The following ZBTB2 variants were observed in gnomAD, a reference collection of about 807,000 sequenced individuals.
The protein encoded by ZBTB2 is zinc finger and BTB domain-containing protein 2.
ZBTB2 carries 2 observed loss-of-function variants against 39.5 expected under a neutral mutation model. The observed-to-expected ratio is 0.05, with a 90% confidence interval of 0.02 to 0.16. ZBTB2 has a LOEUF of 0.16. ZBTB2 is among the 10% of genes least tolerant of loss of function. The pLI is 1.00. For missense variants in ZBTB2, 391 were observed against 653.0 expected (o/e 0.60, Z 4.37); for synonymous variants, 251 against 256.6 (o/e 0.98, Z 0.21).
At chr6:151,368,986 C>G (rs1002198444) in intron 2 of ZBTB2, among the ~76,000 whole-genome samples, 7 of 151,852 alleles carry the variant, frequency 4.6e-5, no homozygotes, top group African/African-American at 1.7e-4. Flanking sequence ...TGGTCTTGAA[C>G]TCCTGACCTC....
At chr6:151,370,534 G>C (rs1778765776) in intron 2 of ZBTB2, among the ~76,000 whole-genome samples, 1 of 152,142 alleles carries the variant, frequency 6.6e-6, no homozygotes, top group Non-Finnish European at 1.5e-5. Context: ...TTGTCAGAAG[G>C]TTGTACTTAG....
At chr6:151,390,373 G>A (rs1779260718) in intron 1 of ZBTB2, among the ~76,000 whole-genome samples, 1 of 149,492 alleles carries the variant, frequency 6.7e-6, no homozygotes, top group Non-Finnish European at 1.5e-5. Context: ...TCCCCGAGGG[G>A]CTGAGGGGGA....
intron 2 of ZBTB2, among the ~76,000 whole-genome samples, chr6:151,369,287 C>T (rs77023806): frequency 0.014 from 2,099 of 152,216 alleles, 41 homozygotes; most frequent in African/African-American, 0.048. Context: ...GCGGCGAGTC[C>T]CTGGGGTTTA....
At chr6:151,374,663 A>C (rs925206007) in intron 1 of ZBTB2, among the ~76,000 whole-genome samples, 19 of 152,156 alleles carry the variant, frequency 1.2e-4, no homozygotes, top group African/African-American at 4.1e-4. Flanking sequence ...CTCGATATTC[A>C]ACACAGCACT....
At chr6:151,379,656 A>G (rs1038231467) in intron 1 of ZBTB2, among the ~76,000 whole-genome samples, 8 of 151,012 alleles carry the variant, frequency 5.3e-5, no homozygotes, top group East Asian at 1.9e-4. Context: ...AAAAAAAAAA[A>G]AAAAGAAAAA....
At position 151,366,856 on chromosome 6, in the gene ZBTB2, G is replaced by C. The variant is rs184232136; in HGVS notation, c.210C>G (p.Pro70=). 1 of 1,612,836 alleles carries C rather than the reference G, an allele frequency of 6.2e-7. No homozygotes were observed. The highest frequency in any genetic ancestry group is 1.7e-5 in the Admixed American group (1 of 59,944). The stretch of plus-strand genomic sequence containing the variant: ...AGTGTAAGAGATAGCTGAAGATGTC[G>C]GGCTGTATGTCAGTTGGTTTCAAGC... ...CVRLKPTDIQ[P]DIFSYLLHLM... Residue 70 remains proline (P), a synonymous_variant, in exon 3 of 3, where the codon CCC becomes CCG. Transcript: ENST00000325144. This position sits in a 1 kb window ranked among gnomAD's most constrained non-coding sequence, Gnocchi z 7.1.
At position 151,391,427 on chromosome 6, in the gene ZBTB2, C is replaced by G. The variant is rs973821368; in HGVS notation, c.-20G>C. On this transcript the variant is annotated 5_prime_UTR_variant, in exon 1 of 3. Transcript: ENST00000325144. Reference sequence around the variant, plus strand: ...GAGGCGGTGCGCGCTTACCTGTCGCCGGTGCTGCTGCGGCGGGGGGTGTGG... The same window carrying G: ...GAGGCGGTGCGCGCTTACCTGTCGCGGGTGCTGCTGCGGCGGGGGGTGTGG... 6.6e-6 allele frequency: 1 copy of G among 151,952 alleles called. No individual in the cohort carries two copies. The highest frequency in any genetic ancestry group is 2.4e-5 in the African/African-American group (1 of 41,346). The allele number at this position is 151,952 out of a possible 1,614,324, so 9.4% of individuals were successfully genotyped here. A position where few individuals can be genotyped will look rare whatever the true frequency, so the allele number is the denominator to read the frequency against.
At chr6:151,381,163 T>C (rs1779026820) in intron 1 of ZBTB2, among the ~76,000 whole-genome samples, 1 of 152,202 alleles carries the variant, frequency 6.6e-6, no homozygotes, top group Non-Finnish European at 1.5e-5. Context: ...GCCTCCTTCA[T>C]GCATCCACCA....
chr6:151,371,963 A>G (rs1778796704), intron 2 of ZBTB2, among the ~76,000 whole-genome samples: 1 of 152,224 alleles, frequency 6.6e-6, no homozygotes, highest in African/African-American at 2.4e-5. Context: ...ACATCCTCAA[A>G]GACACAAAAG....
chr6:151,387,608 G>GC lies in ZBTB2; in HGVS notation c.-13+3811dup, dbSNP rs76639590. On this transcript the variant is annotated intron_variant, in intron 1 of 2. Transcript: ENST00000325144. ...CTTACCCTGCTTGGTGCAGAACTTA[G>GC]CGAGTGCCCCCTGTTTAAGAGAACA... 1.3e-3 allele frequency among the ~76,000 whole-genome samples: 203 copies of GC among 152,302 alleles called. 1 individual carries two copies. In the East Asian group the frequency reaches 0.034, roughly 25 times the overall value.
At chr6:151,389,886 C>A (rs1313241619) in intron 1 of ZBTB2, among the ~76,000 whole-genome samples, 4 of 152,182 alleles carry the variant, frequency 2.6e-5, no homozygotes, top group Non-Finnish European at 5.9e-5. Flanking sequence ...CGGCAAAACC[C>A]AGCTTCCTTT....
intron 1 of ZBTB2, among the ~76,000 whole-genome samples, chr6:151,389,862 C>G (rs537162548): frequency 1.3e-3 from 201 of 152,266 alleles, no homozygotes; most frequent in African/African-American, 4.7e-3. Flanking sequence ...GCCTCTTTTA[C>G]TACCAGCTAA....
intron 1 of ZBTB2, among the ~76,000 whole-genome samples, chr6:151,374,347 C>T (rs889232631): frequency 2.0e-5 from 3 of 152,098 alleles, no homozygotes; most frequent in African/African-American, 4.8e-5. Context: ...AAGTAATTTG[C>T]CCCAGGCCTT....
intron 1 of ZBTB2, among the ~76,000 whole-genome samples, chr6:151,374,972 T>C (rs1157300545): frequency 7.2e-6 from 1 of 139,784 alleles, no homozygotes; most frequent in Non-Finnish European, 1.5e-5. Context: ...AACAAAAAAT[T>C]AGCTGGGCGT....
In ZBTB2 at chr6:151,365,427, T is replaced by C. The variant is rs974487035; in HGVS notation, c.*94A>G. ...GGAGAAGAGAACAAGGACCTGTTTG[T>C]ATCATGCCATGGAGAACTACAGTTC... On this transcript the variant is annotated 3_prime_UTR_variant, in exon 3 of 3. Coordinates refer to ENST00000325144, the MANE Select transcript of ZBTB2 (RefSeq NM_020861.3). The surrounding 1 kb of genome is among the most constrained non-coding windows in gnomAD (Gnocchi z 5.6). 5 of 1,410,834 alleles carry C rather than the reference T, an allele frequency of 3.5e-6. No homozygotes were observed. In the African/African-American group the frequency reaches 4.3e-5, roughly 12 times the overall value. The allele number at this position is 1,410,834 out of a possible 1,614,324, so 87.4% of individuals were successfully genotyped here.
At chr6:151,369,725 C>A (rs1024369265) in intron 2 of ZBTB2, among the ~76,000 whole-genome samples, 1 of 152,092 alleles carries the variant, frequency 6.6e-6, no homozygotes, top group African/African-American at 2.4e-5. Flanking sequence ...ATAATCCCAG[C>A]ACTTTGGGAG....
chr6:151,388,188 C>G (rs1194969359), intron 1 of ZBTB2, among the ~76,000 whole-genome samples: 2 of 152,004 alleles, frequency 1.3e-5, no homozygotes, highest in African/African-American at 2.4e-5. Context: ...TTCCCAGGTG[C>G]ATTTGGTATT....
Position 151,389,626 on chromosome 6 carries a change from G to A in ZBTB2, c.-13+1794C>T, listed in dbSNP as rs117177447. On this transcript the variant is annotated intron_variant, in intron 1 of 2. Transcript: ENST00000325144. ...CTTTATTTTACTAAAACAATACCCT[G>A]ATAAAATGAATAGAATCAAGGCTCA... Among the ~76,000 whole-genome samples the A allele has an allele frequency of 3.9e-5, 6 of 152,302 alleles. No individual in the cohort carries two copies. In the East Asian group the frequency reaches 9.6e-4, roughly 24 times the overall value.
chr6:151,370,105 A>C, intron 2 of ZBTB2: 1 of 977,260 alleles, frequency 1.0e-6, no homozygotes, highest in Non-Finnish European at 1.2e-6. Flanking sequence ...ATATACTTAC[A>C]TCTAAGTAGT....
Sources: allele counts gnomAD v4.1 joint callset (sites outside exome capture counted in the v4.1 genomes callset), GRCh38; gene constraint gnomAD v4.1.1; non-coding constraint Gnocchi (gnomAD v3.1); transcripts MANE v1.5; gene names NCBI Gene and HGNC (gene_info 2026-07-23, HGNC 2026-07-21).